The following RERE variants were observed in gnomAD, a reference collection of about 807,000 sequenced individuals.
RERE encodes arginine-glutamic acid dipeptide repeats protein.
RERE carries 40 observed loss-of-function variants against 146.1 expected under a neutral mutation model. That is an observed-to-expected ratio of 0.27 (90% CI 0.21 to 0.36). The LOEUF is 0.36. RERE is among the 10% of genes least tolerant of loss of function. The probability of loss-of-function intolerance (pLI) is 1.00; values close to 1 mark genes in which losing one functional copy is unlikely to be tolerated. For synonymous variants in RERE, 1,003 were observed against 866.0 expected, an observed-to-expected ratio of 1.16 and a Z score of -2.78; for missense variants, 1,933 against 2,138.7, an observed-to-expected ratio of 0.90 and a Z score of 1.90.
intron 4 of RERE, among the ~76,000 whole-genome samples, chr1:8,597,950 A>C (rs895936977): frequency 6.6e-6 from 1 of 152,096 alleles, no homozygotes; most frequent in Non-Finnish European, 1.5e-5. Context: ...AGAAAATAAG[A>C]CCAACAGTTG....
At chr1:8,702,339 A>G (rs900698919) in intron 1 of RERE, among the ~76,000 whole-genome samples, 1 of 152,254 alleles carries the variant, frequency 6.6e-6, no homozygotes, top group Non-Finnish European at 1.5e-5. Flanking sequence ...CAAGTAAAAC[A>G]AAGTAACCTA....
intron 1 of RERE, among the ~76,000 whole-genome samples, chr1:8,697,490 T>A (rs1274684587): frequency 6.6e-6 from 1 of 150,402 alleles, no homozygotes; most frequent in Non-Finnish European, 1.5e-5. Flanking sequence ...CCTCCCAGGT[T>A]CACGTCATTC....
chr1:8,803,490 G>A (rs577301544), intron 1 of RERE, among the ~76,000 whole-genome samples: 1 of 151,922 alleles, frequency 6.6e-6, no homozygotes, highest in Non-Finnish European at 1.5e-5. Flanking sequence ...TAAAAAAAAA[G>A]AAGTCACTGT....
At position 8,355,471 on chromosome 1, in the gene RERE, C is replaced by T; in HGVS notation, c.4615G>A (p.Gly1539Arg). 6.2e-7 allele frequency: 1 copy of T among 1,612,912 alleles called. No homozygotes were observed. The highest frequency in any genetic ancestry group is 8.5e-7 in the Non-Finnish European group (1 of 1,179,984). The change falls in exon 22 of 23, where the codon GGA becomes AGA. Residue 1539 changes from glycine to arginine, a missense_variant. Gly to Arg is a moderately radical substitution (Grantham distance 125). Around this residue, in one of 11 missense-constraint regions of RERE, gnomAD observed 133 missense variants for 168.6 expected, o/e 0.79. Coordinates refer to ENST00000400908, the MANE Select transcript of RERE (RefSeq NM_001042681.2). ...RLAMEQQWLH[G>R]HPHMHGGHLP... ...TGGCCACCATGCATGTGGGGGTGTC[C>T]ATGCAGCCACTGCTGCTCCATGGCC...
chr1:8,557,154 G>A (rs1180958525), intron 5 of RERE, among the ~76,000 whole-genome samples: 1 of 152,066 alleles, frequency 6.6e-6, no homozygotes, highest in Non-Finnish European at 1.5e-5. Flanking sequence ...TTTGATGCCA[G>A]CGCCAGCACT....
chr1:8,759,055 T>A (rs769338401), intron 1 of RERE, among the ~76,000 whole-genome samples: 1 of 152,124 alleles, frequency 6.6e-6, no homozygotes, highest in Non-Finnish European at 1.5e-5. Flanking sequence ...GCCGGAGGAT[T>A]GCTTAAGCCC....
At chr1:8,431,566 T>C (rs1644096151) in intron 11 of RERE, among the ~76,000 whole-genome samples, 1 of 152,150 alleles carries the variant, frequency 6.6e-6, no homozygotes, top group Admixed American at 6.5e-5. Context: ...GAAACCATCC[T>C]TCCCCTCAGC....
intron 16 of RERE, 28 bp from the exon 17 acceptor site, chr1:8,361,904 A>G: frequency 1.3e-6 from 2 of 1,540,452 alleles, no homozygotes; most frequent in Non-Finnish European, 1.8e-6. Context: ...ACAAGGAGCA[A>G]TCAGGCCAAG....
chr1:8,517,136 G>A (rs982351892), intron 7 of RERE, among the ~76,000 whole-genome samples: 7 of 152,108 alleles, frequency 4.6e-5, no homozygotes, highest in African/African-American at 1.7e-4. Context: ...CAAAAGATGA[G>A]ACCACTCTGT....
chr1:8,431,871 G>A (rs1168787168), intron 11 of RERE, among the ~76,000 whole-genome samples: 5 of 152,160 alleles, frequency 3.3e-5, no homozygotes, highest in Non-Finnish European at 7.3e-5. Context: ...CTGCAGCAGA[G>A]TTCTAGAAGA....
intron 1 of RERE, among the ~76,000 whole-genome samples, chr1:8,813,015 G>A (rs529819640): frequency 1.1e-4 from 16 of 151,564 alleles, no homozygotes; most frequent in African/African-American, 3.9e-4. Context: ...CAAAAGGCTC[G>A]GCAAAATCAC....
intron 2 of RERE, among the ~76,000 whole-genome samples, chr1:8,637,051 T>C (rs1435733677): frequency 6.6e-6 from 1 of 152,146 alleles, no homozygotes; most frequent in Non-Finnish European, 1.5e-5. Flanking sequence ...AACACATATT[T>C]TGGGGAAAAT....
At chr1:8,788,901 G>C (rs1036483640) in intron 1 of RERE, among the ~76,000 whole-genome samples, 4 of 150,956 alleles carry the variant, frequency 2.6e-5, no homozygotes, top group Non-Finnish European at 4.4e-5. Flanking sequence ...GGGAGTACAG[G>C]GGCCAGGCAG....
chr1:8,681,499 T>A (rs957218215), intron 1 of RERE, among the ~76,000 whole-genome samples: 4 of 152,172 alleles, frequency 2.6e-5, no homozygotes, highest in African/African-American at 9.7e-5. Context: ...AGGCAAATAT[T>A]TACTTAGCTT....
chr1:8,512,284 C>T (rs1019151075), intron 7 of RERE, among the ~76,000 whole-genome samples: 9 of 151,806 alleles, frequency 5.9e-5, no homozygotes, highest in Non-Finnish European at 8.8e-5. Context: ...CCACCCGCCT[C>T]GGCCTCCCAA....
intron 10 of RERE, among the ~76,000 whole-genome samples, chr1:8,474,339 G>T (rs902003999): frequency 6.6e-6 from 1 of 152,152 alleles, no homozygotes; most frequent in African/African-American, 2.4e-5. Context: ...AGAGGTGAGA[G>T]AATCCACCTT....
chr1:8,545,065 G>T (rs536019611), intron 6 of RERE, among the ~76,000 whole-genome samples: 5 of 152,288 alleles, frequency 3.3e-5, no homozygotes, highest in African/African-American at 9.6e-5. Flanking sequence ...CATGATCTCT[G>T]TCAAAAGTAG....
rs564252361 is a variant in RERE at position 8,687,288 on chromosome 1, C to T, written c.-144-30847G>A. Among the ~76,000 whole-genome samples, 58 of 152,236 alleles carry T rather than the reference C, an allele frequency of 3.8e-4. No homozygotes were observed. The East Asian group carries it at 5.4e-3, about 14-fold the overall frequency. On this transcript the variant is annotated intron_variant, in intron 1 of 22. Transcript: ENST00000400908. The stretch of plus-strand genomic sequence containing the variant: ...CTATACACAAGCAGTGGGGAAAGCA[C>T]AGGATGCCCTGGAAGGTGGCAAGAT...
At chr1:8,737,236 T>A (rs1640219182) in intron 1 of RERE, among the ~76,000 whole-genome samples, 2 of 152,188 alleles carry the variant, frequency 1.3e-5, no homozygotes, top group Admixed American at 6.5e-5. Context: ...AGTGCTTTGG[T>A]AAACCAAATT....
Sources: gnomAD v4.1 joint callset for allele counts (sites outside exome capture counted in the v4.1 genomes callset) on GRCh38, gnomAD v4.1.1 for gene constraint, gnomAD v4.1.1 regional missense constraint, MANE v1.5 for transcripts, NCBI Gene and HGNC (gene_info 2026-07-23, HGNC 2026-07-21) for gene names.